Variants in NR2C1 observed in about 807,000 individuals in gnomAD.
The protein encoded by NR2C1 is TR2 nuclear hormone receptor.
NR2C1 carries 33 observed loss-of-function variants against 74.8 expected under a neutral mutation model. That is an observed-to-expected ratio of 0.44 (90% CI 0.33 to 0.59). The LOEUF (loss-of-function observed/expected upper bound fraction) is 0.59. NR2C1 is among the 20% of genes least tolerant of loss of function. The pLI, the probability that NR2C1 is intolerant of heterozygous loss-of-function variation, is 0.02. For missense variants in NR2C1, 568 were observed against 715.6 expected (o/e 0.79, Z 2.35); for synonymous variants, 225 against 240.6 (o/e 0.94, Z 0.60).
In NR2C1 at chr12:95,028,519, TTTTATC is replaced by T. The variant is rs1387145755; in HGVS notation, c.1394-1_1398del. The T allele has an allele frequency of 2.6e-6, 4 of 1,529,210 alleles. No homozygotes were observed. The highest frequency in any genetic ancestry group is 1.4e-5 in the African/African-American group (1 of 72,636). 94.7% of individuals were successfully genotyped at this position (1,529,210 alleles called of 1,614,324 possible). A position where few individuals can be genotyped will look rare whatever the true frequency, so the allele number is the denominator to read the frequency against. ...AATAATTTTCTTCTTTCTGTTGACA[TTTTATC>T]TTTAATTAAAAATAAACAAATGCTT... On this transcript the variant is annotated splice_acceptor_variant and coding_sequence_variant, in exon 12 of 14. Coordinates refer to ENST00000333003, the MANE Select transcript of NR2C1 (RefSeq NM_003297.4). LOFTEE classifies it high-confidence loss of function.
chr12:95,055,822 G>A (rs1416194066), intron 7 of NR2C1, among the ~76,000 whole-genome samples: 3 of 151,464 alleles, frequency 2.0e-5, no homozygotes, highest in Admixed American at 6.6e-5. Context: ...GCGTGGTGGC[G>A]GGCGCCTGTA....
rs1193721045 is a variant in NR2C1, at chr12:95,059,944, A to C, written c.326T>G (p.Val109Gly). The C allele has an allele frequency of 6.3e-7, 1 of 1,595,736 alleles. No individual in the cohort carries two copies. Among genetic ancestry groups the C allele is most frequent in the Non-Finnish European group, 8.5e-7 (1 of 1,175,010 alleles). The change falls in exon 4 of 14, where the codon GTT (valine) becomes GGT (glycine). Residue 109 changes from valine (V) to glycine (G), a missense_variant. Physicochemically the swap from Val to Gly is moderately radical, Grantham distance 109 (BLOSUM62 -3). This residue lies in a region of NR2C1 where 44 missense variants were observed against 95.6 expected (regional missense o/e 0.46). Transcript: ENST00000333003. ...TCCACATACTACGCAAAGATCAAAA[A>C]CCTTATTTGGTCCTTGGTCTGGAGA... ...DNSPDQGPNK[V>G]FDLCVVCGDK...
At chr12:95,054,543 ACT>A (rs1023764373) in intron 7 of NR2C1, among the ~76,000 whole-genome samples, 7 of 151,336 alleles carry the variant, frequency 4.6e-5, no homozygotes, top group Non-Finnish European at 8.8e-5. Flanking sequence ...GCCTCAAGGA[ACT>A]CTTCAACTTC....
At chr12:95,034,540 T>C (rs80277898) in intron 10 of NR2C1, among the ~76,000 whole-genome samples, 12 of 152,292 alleles carry the variant, frequency 7.9e-5, no homozygotes, top group African/African-American at 2.9e-4. Context: ...CCATCGAAAG[T>C]TGAAATGTGC....
intron 7 of NR2C1, among the ~76,000 whole-genome samples, chr12:95,055,334 T>A (rs1873679420): frequency 6.6e-6 from 1 of 152,220 alleles, no homozygotes; most frequent in Admixed American, 6.5e-5. Flanking sequence ...GGAGTTAATA[T>A]GTCAGTAAAA....
At chr12:95,039,251 A>T (rs962301992) in intron 10 of NR2C1, among the ~76,000 whole-genome samples, 2 of 152,232 alleles carry the variant, frequency 1.3e-5, no homozygotes, top group Non-Finnish European at 2.9e-5. Flanking sequence ...ATAATGTTAA[A>T]TATGCCTTTA....
rs113702730 is a variant in NR2C1, at chr12:95,028,107, C to A, written c.1531+280G>T. On this transcript the variant is annotated intron_variant, in intron 12 of 13. Coordinates refer to ENST00000333003, the MANE Select transcript of NR2C1 (RefSeq NM_003297.4). ...ATTTATTTCTTCATCTGTTGACCGA[C>A]ATTTGGGTTGTCTCCACTTTTTGAC... 165 of 241,878 alleles carry A rather than the reference C, an allele frequency of 6.8e-4. 1 individual carries two copies. Among genetic ancestry groups the A allele is most frequent in the African/African-American group, 3.6e-3 (158 of 44,050 alleles). 15.0% of individuals were successfully genotyped at this position (241,878 alleles called of 1,614,324 possible). A position where few individuals can be genotyped will look rare whatever the true frequency, so the allele number is the denominator to read the frequency against.
intron 4 of NR2C1, 61 bp downstream of exon 4, chr12:95,059,845 C>T: frequency 1.0e-5 from 12 of 1,192,554 alleles, no homozygotes; most frequent in Non-Finnish European, 1.4e-5. Context: ...ATTTCAACAA[C>T]ACGACACATA....
chr12:95,053,071 A>G (rs755972540), intron 7 of NR2C1, among the ~76,000 whole-genome samples: 3 of 151,298 alleles, frequency 2.0e-5, no homozygotes, highest in Non-Finnish European at 3.0e-5. Flanking sequence ...GCAACCTCCA[A>G]CTCCTGGGTT....
chr12:95,045,009 G>C (rs117624293), intron 9 of NR2C1, among the ~76,000 whole-genome samples: 6,660 of 152,278 alleles, frequency 0.044, 279 homozygotes, highest in Non-Finnish European at 0.053. Context: ...TTTGAGACCA[G>C]CCTGGGCAAC....
intron 10 of NR2C1, among the ~76,000 whole-genome samples, chr12:95,039,805 C>T (rs1379394038): frequency 6.6e-6 from 1 of 152,042 alleles, no homozygotes; most frequent in Non-Finnish European, 1.5e-5. Flanking sequence ...CTAATTAAAA[C>T]ATTTTTTTTC....
At chr12:95,059,215 T>C (rs981116960) in intron 4 of NR2C1, among the ~76,000 whole-genome samples, 3 of 151,600 alleles carry the variant, frequency 2.0e-5, no homozygotes, top group African/African-American at 4.8e-5. Context: ...GGCAGGAGAA[T>C]TGCTTGAACC....
At chr12:95,064,328 CAAAA>C (rs35375374) in intron 2 of NR2C1, among the ~76,000 whole-genome samples, 8 of 107,976 alleles carry the variant, frequency 7.4e-5, no homozygotes, top group Non-Finnish European at 7.5e-5. Flanking sequence ...GAGTCTGTCT[CAAAA>C]AAAAAAAAAA....
At chr12:95,041,716 T>C (rs778913191) in intron 9 of NR2C1, among the ~76,000 whole-genome samples, 3 of 152,138 alleles carry the variant, frequency 2.0e-5, no homozygotes, top group Admixed American at 6.6e-5. Flanking sequence ...CTACCAAGGG[T>C]GGGGTAGTCT....
intron 10 of NR2C1, 136 bp downstream of exon 10, chr12:95,040,340 T>A (rs249141): frequency 0.29 from 216,307 of 744,470 alleles, 33,394 homozygotes; most frequent in African/African-American, 0.46. Flanking sequence ...GATTTGTCAT[T>A]TGAATGACAC....
In NR2C1 at chr12:95,043,673, G is replaced by C. The variant is rs1871895112; in HGVS notation, c.1132-3076C>G. On this transcript the variant is annotated intron_variant, in intron 9 of 13. Coordinates refer to ENST00000333003, the MANE Select transcript of NR2C1 (RefSeq NM_003297.4). ...CCACTGTACTCCAGCCTGGGAGACA[G>C]AGCAAGACTCTGTCTCAAAAAAAAA... is the stretch of plus-strand genomic sequence containing the variant. Among the ~76,000 whole-genome samples the C allele has an allele frequency of 3.0e-5, 3 of 98,560 alleles. No individual in the cohort carries two copies. In the South Asian group the frequency reaches 9.7e-4, roughly 32 times the overall value. The allele number at this position is 98,560 out of a possible 152,430, so 64.7% of individuals were successfully genotyped here. A position where few individuals can be genotyped will look rare whatever the true frequency, so the allele number is the denominator to read the frequency against.
chr12:95,066,582 C>G (rs2136200931), intron 2 of NR2C1, among the ~76,000 whole-genome samples: 1 of 152,248 alleles, frequency 6.6e-6, no homozygotes, highest in East Asian at 1.9e-4. Context: ...CAAAGGTTAG[C>G]AGCAATGTAG....
At chr12:95,059,647 G>A (rs1331502434) in intron 4 of NR2C1, among the ~76,000 whole-genome samples, 1 of 152,136 alleles carries the variant, frequency 6.6e-6, no homozygotes, top group African/African-American at 2.4e-5. Flanking sequence ...GGAGGTAGAG[G>A]CTGCAGTGAG....
At chr12:95,072,950 C>A (rs769495874) in intron 1 of NR2C1, 7 of 152,262 alleles carry the variant, frequency 4.6e-5, no homozygotes, top group African/African-American at 7.2e-5. Context: ...GTCGGCCTCT[C>A]CCACGTCTCA....
Sources: gnomAD v4.1 joint callset for allele counts (sites outside exome capture counted in the v4.1 genomes callset) on GRCh38, gnomAD v4.1.1 for gene constraint, gnomAD v4.1.1 regional missense constraint, MANE v1.5 for transcripts, NCBI Gene and HGNC (gene_info 2026-07-23, HGNC 2026-07-21) for gene names.